The following MED26 variants were observed in gnomAD, a reference collection of about 807,000 sequenced individuals.
The protein encoded by MED26 is mediator complex subunit 26, also known as mediator of RNA polymerase II transcription subunit 26.
MED26 carries 7 observed loss-of-function variants against 43.7 expected under a neutral mutation model. The ratio of observed to expected loss-of-function variants is 0.16; its 90% CI spans 0.09 to 0.30. MED26 has a LOEUF of 0.30. MED26 is among the 10% of genes least tolerant of loss of function. The pLI is 1.00. For missense variants in MED26, 784 were observed against 840.6 expected (o/e 0.93, Z 0.83); for synonymous variants, 375 against 371.1 (o/e 1.01, Z -0.12).
Position 16,594,612 on chromosome 19 carries a change from T to C in MED26, c.73-16203A>G, listed in dbSNP as rs530989572. Among the ~76,000 whole-genome samples, 10 of 152,144 alleles carry C rather than the reference T, an allele frequency of 6.6e-5. No individual in the cohort carries two copies. The East Asian group carries it at 1.9e-3, about 29-fold the overall frequency. On this transcript the variant is annotated intron_variant, in intron 1 of 2. Coordinates refer to ENST00000263390, the MANE Select transcript of MED26 (RefSeq NM_004831.5). ...TGCAGAGGTGGCAGACCACTGGACA[T>C]GGAGAAGGTTCATTTTTCACCACGG...
At chr19:16,621,878 C>G (rs1248327466) in intron 1 of MED26, among the ~76,000 whole-genome samples, 7 of 152,066 alleles carry the variant, frequency 4.6e-5, no homozygotes, top group Admixed American at 1.3e-4. Flanking sequence ...ACAACAACAC[C>G]CCAAATACTG....
chr19:16,599,570 T>G (rs2086138846), intron 1 of MED26, among the ~76,000 whole-genome samples: 1 of 152,154 alleles, frequency 6.6e-6, no homozygotes, highest in South Asian at 2.1e-4. Flanking sequence ...GGGGGTGATA[T>G]TTGGTGGGAG....
intron 1 of MED26, among the ~76,000 whole-genome samples, chr19:16,609,336 A>AAAAAAAAAAAAAAAAGAGAGAG (rs765489188): frequency 4.9e-5 from 7 of 142,262 alleles, no homozygotes; most frequent in East Asian, 2.0e-4. Context: ...AAAAAAAAAA[A>AAAAAAAAAAAAAAAAGAGAGAG]AGAGAGAGAA....
Position 16,575,920 on chromosome 19 carries a change from C to T in MED26, c.*107G>A. Reference sequence around the variant, plus strand: ...TCCCTCCCGCCTGGGCCGGACTCCCCGAGTTCCCAGCGCAGGAGGCAGCTG... The same window carrying T: ...TCCCTCCCGCCTGGGCCGGACTCCCTGAGTTCCCAGCGCAGGAGGCAGCTG... On this transcript the variant is annotated 3_prime_UTR_variant, in exon 3 of 3. Coordinates refer to ENST00000263390, the MANE Select transcript of MED26 (RefSeq NM_004831.5). The T allele has an allele frequency of 6.7e-6, 7 of 1,038,804 alleles. No individual in the cohort carries two copies. Among genetic ancestry groups the T allele is most frequent in the South Asian group, 4.6e-5 (3 of 65,394 alleles). 64.3% of individuals were successfully genotyped at this position (1,038,804 alleles called of 1,614,324 possible). A position where few individuals can be genotyped will look rare whatever the true frequency, so the allele number is the denominator to read the frequency against.
chr19:16,576,143 C>T lies in MED26; in HGVS notation c.1687G>A (p.Val563Met). The T allele has an allele frequency of 1.2e-6, 2 of 1,613,862 alleles. No individual in the cohort carries two copies. Among genetic ancestry groups the T allele is most frequent in the Non-Finnish European group, 1.7e-6 (2 of 1,180,014 alleles). The change falls in exon 3 of 3, where the codon GTG becomes ATG. Residue 563 changes from valine (V) to methionine (M), a missense_variant. This residue lies in a region of MED26 where 719 missense variants were observed against 730.9 expected (regional missense o/e 0.98). Coordinates refer to ENST00000263390, the MANE Select transcript of MED26 (RefSeq NM_004831.5). The surrounding 1 kb of genome is among the most constrained non-coding windows in gnomAD (Gnocchi z 6.8). Reference protein sequence around the residue: ...DRIQASQWPGVNGCQDTQGNW... With the variant: ...DRIQASQWPGMNGCQDTQGNW... The stretch of plus-strand genomic sequence containing the variant: ...CCCTGTGTGTCCTGACACCCGTTCA[C>T]CCCCGGCCACTGGCTGGCCTGGATT...
chr19:16,604,985 C>T (rs1369741452), intron 1 of MED26, among the ~76,000 whole-genome samples: 1 of 152,180 alleles, frequency 6.6e-6, no homozygotes, highest in Admixed American at 6.5e-5. Flanking sequence ...CGACAGCACC[C>T]ACCAGCAGTG....
chr19:16,576,090 T>C lies in MED26; in HGVS notation c.1740A>G (p.Ile580Met), dbSNP rs1599327010. 1 of 1,613,936 alleles carries C rather than the reference T, an allele frequency of 6.2e-7. No individual in the cohort carries two copies. The highest frequency in any genetic ancestry group is 8.5e-7 in the Non-Finnish European group (1 of 1,180,028). Residue 580 changes from isoleucine to methionine, a missense_variant, in exon 3 of 3, where the codon ATA becomes ATG. By Grantham distance (10) the Ile-to-Met change is conservative. Around this residue, in one of 3 missense-constraint regions of MED26, gnomAD observed 719 missense variants for 730.9 expected, o/e 0.98. Coordinates refer to ENST00000263390, the MANE Select transcript of MED26 (RefSeq NM_004831.5). This position sits in a 1 kb window ranked among gnomAD's most constrained non-coding sequence, Gnocchi z 6.8. ...QGNWYDWTQC[I>M]SLDPHGDDGR... The stretch of plus-strand genomic sequence containing the variant: ...CGTCGTCGCCGTGCGGATCGAGCGA[T>C]ATGCACTGCGTCCAGTCATACCAGT...
At chr19:16,588,044 C>G (rs2086079092) in intron 1 of MED26, 1 of 152,282 alleles carries the variant, frequency 6.6e-6, no homozygotes, top group Admixed American at 6.5e-5. Flanking sequence ...CCAACCTAGA[C>G]TCTCCTGACC....
intron 1 of MED26, among the ~76,000 whole-genome samples, chr19:16,626,454 C>G (rs926584363): frequency 3.9e-5 from 6 of 152,046 alleles, no homozygotes; most frequent in Admixed American, 2.0e-4. Flanking sequence ...CAAAAATGTA[C>G]AATATAACAT....
chr19:16,603,679 G>T (rs2086160102), intron 1 of MED26, among the ~76,000 whole-genome samples: 1 of 152,074 alleles, frequency 6.6e-6, no homozygotes, highest in South Asian at 2.1e-4. Context: ...ATGTAAACAG[G>T]TACTCTCCCC....
At position 16,576,923 on chromosome 19, in the gene MED26, G is replaced by A. The variant is rs753653162; in HGVS notation, c.907C>T (p.Arg303Trp). The A allele has an allele frequency of 1.4e-5, 23 of 1,596,430 alleles. No homozygotes were observed. The highest frequency in any genetic ancestry group is 5.1e-5 in the Admixed American group (3 of 58,956). ...PKGSVPSPSP[R>W]PQALDATQVP... ...TGTGTGGCATCGAGTGCCTGGGGCC[G>A]CGGTGAGGGGCTGGGCACGGAGCCC... Residue 303 changes from arginine (R) to tryptophan (W), a missense_variant, in exon 3 of 3, where the codon CGG (arginine) becomes TGG (tryptophan). By Grantham distance (101) the Arg-to-Trp change is moderately radical. Coordinates refer to ENST00000263390, the MANE Select transcript of MED26 (RefSeq NM_004831.5). The surrounding 1 kb of genome is among the most constrained non-coding windows in gnomAD (Gnocchi z 6.8).
intron 1 of MED26, among the ~76,000 whole-genome samples, chr19:16,614,239 AGT>A (rs1215321098): frequency 6.6e-6 from 1 of 152,186 alleles, no homozygotes; most frequent in African/African-American, 2.4e-5. Flanking sequence ...TGCTAAGGGT[AGT>A]GTCTGGCCCG....
Position 16,627,987 on chromosome 19 carries a change from C to A in MED26, c.-44G>T, listed in dbSNP as rs1176272896. ...GGTTGCGGCCGGGCCAGCGGGCGGGCGGGCTGAGGCGGGGGACGGGGGTCA... is the reference window on the plus strand; with the variant it reads ...GGTTGCGGCCGGGCCAGCGGGCGGGAGGGCTGAGGCGGGGGACGGGGGTCA... On this transcript the variant is annotated 5_prime_UTR_variant, in exon 1 of 3. Coordinates refer to ENST00000263390, the MANE Select transcript of MED26 (RefSeq NM_004831.5). 1 of 1,254,888 alleles carries A rather than the reference C, an allele frequency of 8.0e-7. No individual in the cohort carries two copies. Among genetic ancestry groups the A allele is most frequent in the Non-Finnish European group, 1.1e-6 (1 of 941,932 alleles). The allele number at this position is 1,254,888 out of a possible 1,614,324, so 77.7% of individuals were successfully genotyped here.
At chr19:16,622,247 C>A (rs1031342686) in intron 1 of MED26, among the ~76,000 whole-genome samples, 5 of 152,212 alleles carry the variant, frequency 3.3e-5, no homozygotes, top group African/African-American at 1.2e-4. Flanking sequence ...CCATCCCTGA[C>A]TGCCGAGCCC....
rs1398617660 is a variant in MED26 at position 16,575,413 on chromosome 19, G to A, written c.*614C>T. 1 of 153,224 alleles carries A rather than the reference G, an allele frequency of 6.5e-6. No homozygotes were observed. Among genetic ancestry groups the A allele is most frequent in the African/African-American group, 2.4e-5 (1 of 41,466 alleles). 9.5% of individuals were successfully genotyped at this position (153,224 alleles called of 1,614,324 possible). A position where few individuals can be genotyped will look rare whatever the true frequency, so the allele number is the denominator to read the frequency against. Reference sequence around the variant, plus strand: ...ATATAAACAGGTGGCTGCCCATGGAGTGTGGGTCACACTGGCTGGCCAGCT... The same window carrying A: ...ATATAAACAGGTGGCTGCCCATGGAATGTGGGTCACACTGGCTGGCCAGCT... On this transcript the variant is annotated 3_prime_UTR_variant, in exon 3 of 3. Coordinates refer to ENST00000263390, the MANE Select transcript of MED26 (RefSeq NM_004831.5).
intron 1 of MED26, among the ~76,000 whole-genome samples, chr19:16,601,956 T>C (rs1047382177): frequency 3.9e-5 from 6 of 152,172 alleles, no homozygotes; most frequent in Non-Finnish European, 7.4e-5. Context: ...GGAAGGGACG[T>C]GGCTGTGGGA....
intron 1 of MED26, chr19:16,597,432 C>T: frequency 2.5e-6 from 1 of 398,670 alleles, no homozygotes; most frequent in East Asian, 3.6e-5. Context: ...CAACTTACCA[C>T]TGTTGTTTCA....
intron 1 of MED26, among the ~76,000 whole-genome samples, chr19:16,600,159 C>G (rs1471950349): frequency 6.6e-6 from 1 of 152,130 alleles, no homozygotes; most frequent in Non-Finnish European, 1.5e-5. Flanking sequence ...TAGGTCCCCC[C>G]TCATCCCCCC....
intron 1 of MED26, chr19:16,597,425 C>T (rs2086125604): frequency 2.5e-6 from 1 of 398,566 alleles, no homozygotes; most frequent in Non-Finnish European, 4.4e-6. Flanking sequence ...AAGAAGTCAA[C>T]TTACCACTGT....
Sources: allele counts gnomAD v4.1 joint callset (sites outside exome capture counted in the v4.1 genomes callset), GRCh38; gene constraint gnomAD v4.1.1; regional missense constraint gnomAD v4.1.1; non-coding constraint Gnocchi (gnomAD v3.1); transcripts MANE v1.5; gene names NCBI Gene and HGNC (gene_info 2026-07-23, HGNC 2026-07-21).